Variants in OTUD4 observed in about 807,000 individuals in gnomAD.
The protein encoded by OTUD4 is OTU domain-containing protein 4.
Under a neutral mutation model 130.4 loss-of-function variants are expected in OTUD4, and 24 were observed. The observed-to-expected ratio is 0.18, with a 90% CI of 0.13 to 0.26. OTUD4 has a LOEUF of 0.26. OTUD4 is among the 10% of genes least tolerant of loss of function. The pLI is 1.00. For missense variants in OTUD4, 1,031 were observed against 1,329.4 expected, an observed-to-expected ratio of 0.78 and a Z score of 3.49; for synonymous variants, 420 against 472.5, an observed-to-expected ratio of 0.89 and a Z score of 1.44.
chr4:145,140,891 C>T (rs1420964505), intron 19 of OTUD4, among the ~76,000 whole-genome samples: 2 of 151,906 alleles, frequency 1.3e-5, no homozygotes. Flanking sequence ...CTGGGCCAGG[C>T]GCGGTGGCTC....
chr4:145,167,204 CA>C (rs1751921728), intron 3 of OTUD4, among the ~76,000 whole-genome samples: 2 of 152,074 alleles, frequency 1.3e-5, no homozygotes, highest in African/African-American at 4.8e-5. Flanking sequence ...ATTAAGTCAC[CA>C]AAAACAATGA....
chr4:145,143,900 GTA>G (rs753441982), intron 16 of OTUD4, 44 bp downstream of exon 16: 6 of 1,391,928 alleles, frequency 4.3e-6, no homozygotes, highest in Non-Finnish European at 6.1e-6. Context: ...GTACTACACA[GTA>G]TTAAGGAAAA....
At position 145,177,304 on chromosome 4, in the gene OTUD4, G is replaced by A. The variant is rs543382288; in HGVS notation, c.159+2511C>T. Reference sequence around the variant, plus strand: ...AAAAGCAATGGTAGGCATATCTACTGGTTCTTCTCTTTTAACAAAGATTTT... The same window carrying A: ...AAAAGCAATGGTAGGCATATCTACTAGTTCTTCTCTTTTAACAAAGATTTT... On this transcript the variant is annotated intron_variant, in intron 1 of 20. Transcript: ENST00000447906. Among the ~76,000 whole-genome samples the A allele has an allele frequency of 4.6e-5, 7 of 152,332 alleles. No individual in the cohort carries two copies. The South Asian group carries it at 1.2e-3, about 27-fold the overall frequency.
Position 145,138,547 on chromosome 4 carries a change from T to C in OTUD4, c.2228A>G (p.Tyr743Cys). The C allele has an allele frequency of 6.2e-7, 1 of 1,614,074 alleles. No individual in the cohort carries two copies. Among genetic ancestry groups the C allele is most frequent in the Non-Finnish European group, 8.5e-7 (1 of 1,180,000 alleles). The change falls in exon 21 of 21, where the codon TAT becomes TGT. Residue 743 changes from tyrosine (Y) to cysteine (C), a missense_variant. Physicochemically the swap from Tyr to Cys is radical, Grantham distance 194 (BLOSUM62 -2). Transcript: ENST00000447906. ...CTCTTGGAACCAGGGATTATGAGGA[T>C]AAACAGGGACAGGGACCTTTGGGTA... The part of the protein sequence containing the change: ...RMYPKVPVPV[Y>C]PHNPWFQEAP...
rs1045992368 is a variant in OTUD4 at position 145,179,067 on chromosome 4, C to CA, written c.159+747dup. On this transcript the variant is annotated intron_variant, in intron 1 of 20. Transcript: ENST00000447906. The stretch of plus-strand genomic sequence containing the variant: ...TTATATAACATGGAATAAGCTCGCT[C>CA]AAAAAAAAAAATTCAGAAAAATCTT... 4.6e-3 allele frequency among the ~76,000 whole-genome samples: 679 copies of CA among 146,460 alleles called. 3 individuals are homozygous for CA. Among genetic ancestry groups the CA allele is most frequent in the African/African-American group, 0.015 (596 of 40,054 alleles).
intron 10 of OTUD4, 64 bp downstream of exon 10, chr4:145,155,347 T>C: frequency 7.7e-7 from 1 of 1,292,156 alleles, no homozygotes. Context: ...CTGTTTTCTC[T>C]GTTTGTATTA....
chr4:145,151,582 C>A (rs1257897061), intron 11 of OTUD4, among the ~76,000 whole-genome samples: 1 of 152,042 alleles, frequency 6.6e-6, no homozygotes, highest in Non-Finnish European at 1.5e-5. Flanking sequence ...TTGCAGTGAG[C>A]CAAAATTGCG....
At chr4:145,166,473 T>C (rs1157124893) in intron 3 of OTUD4, among the ~76,000 whole-genome samples, 2 of 151,864 alleles carry the variant, frequency 1.3e-5, no homozygotes, top group African/African-American at 4.8e-5. Context: ...AAAATAATGA[T>C]GTCACTGGGA....
At chr4:145,157,208 ATAAG>A (rs1169380416) in intron 7 of OTUD4, among the ~76,000 whole-genome samples, 2 of 152,194 alleles carry the variant, frequency 1.3e-5, no homozygotes, top group Admixed American at 6.5e-5. Context: ...AGAAAAAAAA[ATAAG>A]TAGGCAAAAA....
At chr4:145,175,092 C>T (rs1225897947) in intron 1 of OTUD4, among the ~76,000 whole-genome samples, 2 of 152,218 alleles carry the variant, frequency 1.3e-5, no homozygotes, top group African/African-American at 4.8e-5. Flanking sequence ...ATCCATGCTA[C>T]GCCACGCTCA....
chr4:145,145,559 G>GA (rs1250074605), intron 14 of OTUD4, among the ~76,000 whole-genome samples: 1 of 152,142 alleles, frequency 6.6e-6, no homozygotes, highest in Admixed American at 6.6e-5. Flanking sequence ...TCTAAAGAGA[G>GA]AAAGTGTCCA....
chr4:145,159,698 C>T, intron 6 of OTUD4, 63 bp from the exon 7 acceptor site: 1 of 1,466,470 alleles, frequency 6.8e-7, no homozygotes, highest in Non-Finnish European at 9.5e-7. Context: ...AAAACAGGAA[C>T]AGACCATCAC....
intron 10 of OTUD4, among the ~76,000 whole-genome samples, chr4:145,153,163 A>G (rs1033221720): frequency 6.6e-5 from 10 of 152,222 alleles, no homozygotes; most frequent in African/African-American, 2.4e-4. Context: ...CCTAAAAGAA[A>G]GAAAACCTTT....
rs539655918 is a variant in OTUD4 at position 145,147,217 on chromosome 4, A to C, written c.1260-788T>G. ...CTTTGTCACAGTACAAAGAAATATTATCCTCCTCGAGTAGAGCACTATGAT... is the reference window on the plus strand; with the variant it reads ...CTTTGTCACAGTACAAAGAAATATTCTCCTCCTCGAGTAGAGCACTATGAT... On this transcript the variant is annotated intron_variant, in intron 13 of 20. Coordinates refer to ENST00000447906, the MANE Select transcript of OTUD4 (RefSeq NM_001366057.1). Among the ~76,000 whole-genome samples the C allele has an allele frequency of 1.7e-4, 26 of 152,364 alleles. No homozygotes were observed. In the South Asian group the frequency reaches 5.2e-3, roughly 30 times the overall value.
chr4:145,141,524 T>C lies in OTUD4; in HGVS notation c.1938A>G (p.Ala646=), dbSNP rs768082960. 2 of 1,613,604 alleles carry C rather than the reference T, an allele frequency of 1.2e-6. No individual in the cohort carries two copies. Among genetic ancestry groups the C allele is most frequent in the Admixed American group, 1.7e-5 (1 of 60,000 alleles). Residue 646 remains alanine, a synonymous_variant, in exon 19 of 21, where the codon GCA becomes GCG. Coordinates refer to ENST00000447906, the MANE Select transcript of OTUD4 (RefSeq NM_001366057.1). ...GCAAAGGCATCAAGGGCTGGTTAAC[T>C]GCCTGTATTGACACAGGAACTGGAG... ...TPSPVPVSIQ[A]VNQPLMPLPQ...
chr4:145,146,903 T>C (rs1023182923), intron 13 of OTUD4, among the ~76,000 whole-genome samples: 1 of 152,168 alleles, frequency 6.6e-6, no homozygotes, highest in Non-Finnish European at 1.5e-5. Flanking sequence ...ACTAGGACCA[T>C]CTTCCCACTT....
chr4:145,173,393 C>CA lies in OTUD4; in HGVS notation c.243+1267dup, dbSNP rs1211787272. 7.8e-3 allele frequency among the ~76,000 whole-genome samples: 1,021 copies of CA among 131,666 alleles called. 13 individuals carry two copies. The highest frequency in any genetic ancestry group is 0.027 in the African/African-American group (952 of 35,466). 86.4% of individuals were successfully genotyped at this position (131,666 alleles called of 152,430 possible). A position where few individuals can be genotyped will look rare whatever the true frequency, so the allele number is the denominator to read the frequency against. ...TGGGCGACAGAGCGAGACTCTGTCT[C>CA]AAAAAAAAAAAATTATATGGACTAA... is the stretch of plus-strand genomic sequence containing the variant. On this transcript the variant is annotated intron_variant, in intron 2 of 20. Coordinates refer to ENST00000447906, the MANE Select transcript of OTUD4 (RefSeq NM_001366057.1).
rs36225839 is a variant in OTUD4, at chr4:145,155,480, TAA to T, written c.809-7_809-6del. On this transcript the variant is annotated splice_polypyrimidine_tract_variant and splice_region_variant and intron_variant, in intron 9 of 20. Coordinates refer to ENST00000447906, the MANE Select transcript of OTUD4 (RefSeq NM_001366057.1). ...AATAATCACGTTTTTGCTGAGCTGTTAAAAAAAAAAAGGTCAGTATAATATAA... is the reference window on the plus strand; with the variant it reads ...AATAATCACGTTTTTGCTGAGCTGTTAAAAAAAAAGGTCAGTATAATATAA... The T allele has an allele frequency of 2.0e-4, 262 of 1,333,322 alleles. No individual in the cohort carries two copies. Among genetic ancestry groups the T allele is most frequent in the Admixed American group, 9.0e-4 (46 of 51,202 alleles). 82.6% of individuals were successfully genotyped at this position (1,333,322 alleles called of 1,614,324 possible).
intron 14 of OTUD4, among the ~76,000 whole-genome samples, 159 bp from the exon 15 acceptor site, chr4:145,144,593 T>A (rs1750733930): frequency 6.6e-6 from 1 of 152,196 alleles, no homozygotes; most frequent in South Asian, 2.1e-4. Context: ...CTAGGGTCCA[T>A]AATTAATTAT....
Sources: allele counts gnomAD v4.1 joint callset (sites outside exome capture counted in the v4.1 genomes callset), GRCh38; gene constraint gnomAD v4.1.1; transcripts MANE v1.5; gene names NCBI Gene and HGNC (gene_info 2026-07-23, HGNC 2026-07-21).